The following KIAA1217 variants were observed in gnomAD, a reference collection of about 807,000 sequenced individuals.
The protein encoded by KIAA1217 is sickle tail protein homolog.
KIAA1217 carries 88 observed loss-of-function variants against 163.9 expected under a neutral mutation model. That is an observed-to-expected ratio of 0.54 (90% CI 0.45 to 0.64). The LOEUF is 0.64. Ranked by LOEUF, KIAA1217 falls within the 30% of genes least tolerant of loss-of-function variation. The probability of loss-of-function intolerance (pLI) is 0.00; values close to 1 mark genes in which losing one functional copy is unlikely to be tolerated. For missense variants in KIAA1217, 2,372 were observed against 2,475.0 expected, an observed-to-expected ratio of 0.96 and a Z score of 0.88; for synonymous variants, 903 against 923.1, an observed-to-expected ratio of 0.98 and a Z score of 0.39.
chr10:24,532,112 A>G, intron 15 of KIAA1217, 119 bp downstream of exon 15: 3 of 902,668 alleles, frequency 3.3e-6, no homozygotes, highest in Non-Finnish European at 4.5e-6. Flanking sequence ...TCGACCACAC[A>G]AGATCCCCAG....
intron 5 of KIAA1217, among the ~76,000 whole-genome samples, chr10:24,468,036 C>T (rs1032948150): frequency 5.9e-5 from 9 of 152,188 alleles, no homozygotes; most frequent in South Asian, 2.1e-4. Flanking sequence ...TAAGAATACC[C>T]GCAGCAAAGG....
upstream of KIAA1217, among the ~76,000 whole-genome samples, chr10:24,203,888 A>G (rs532254159): frequency 1.8e-3 from 267 of 152,380 alleles, no homozygotes; most frequent in Middle Eastern, 0.017. Context: ...TGCAGTGACC[A>G]GAGGGCAGAG....
intron 2 of KIAA1217, among the ~76,000 whole-genome samples, chr10:24,336,033 G>A (rs763429642): frequency 7.2e-5 from 11 of 152,352 alleles, no homozygotes; most frequent in Non-Finnish European, 1.6e-4. Context: ...CTGAGGTCAG[G>A]TGTTCGAGAC....
At chr10:24,321,791 G>C (rs916824848) in intron 2 of KIAA1217, among the ~76,000 whole-genome samples, 1 of 152,076 alleles carries the variant, frequency 6.6e-6, no homozygotes, top group East Asian at 1.9e-4. Flanking sequence ...ACTGTTCAAT[G>C]GGTGTGCAGT....
intron 1 of KIAA1217, among the ~76,000 whole-genome samples, chr10:23,904,449 A>G (rs1330743443): frequency 6.6e-6 from 1 of 152,194 alleles, no homozygotes; most frequent in Non-Finnish European, 1.5e-5. Context: ...AAAAAACTCC[A>G]AAATATTTTT....
chr10:24,544,054 C>CA lies in KIAA1217; in HGVS notation c.4785dup (p.Gly1596ArgfsTer11). ...CAAGCCATTCGCACCGGAACTAAAA[C>CA]AGGGAAGAAGACTTTGCAAGTGGTA... On this transcript the variant is annotated frameshift_variant, in exon 19 of 21. Coordinates refer to ENST00000376454, the MANE Select transcript of KIAA1217 (RefSeq NM_019590.5). LOFTEE classifies it high-confidence loss of function. 1 of 1,614,110 alleles carries CA rather than the reference C, an allele frequency of 6.2e-7. No homozygotes were observed. The highest frequency in any genetic ancestry group is 8.5e-7 in the Non-Finnish European group (1 of 1,180,030).
rs1190163303 is a variant in KIAA1217, at chr10:24,264,900, A to G, written c.354+44991A>G. 2.7e-5 allele frequency among the ~76,000 whole-genome samples: 4 copies of G among 150,894 alleles called. No individual in the cohort carries two copies. The South Asian group carries it at 6.3e-4, about 24-fold the overall frequency. ...CTTGTCTCATTCTGTTGCCCTGGCT[A>G]GAGTACAATGGCACAATCCTAGCTC... On this transcript the variant is annotated intron_variant, in intron 2 of 20. Coordinates refer to ENST00000376454, the MANE Select transcript of KIAA1217 (RefSeq NM_019590.5).
intron 1 of KIAA1217, among the ~76,000 whole-genome samples, chr10:23,714,812 A>T (rs1447872773): frequency 6.6e-6 from 1 of 152,068 alleles, no homozygotes. Flanking sequence ...TTATTGGGGA[A>T]CTCATGGGCA....
chr10:24,126,931 T>G (rs1227286970), intron 2 of KIAA1217, among the ~76,000 whole-genome samples: 1 of 152,098 alleles, frequency 6.6e-6, no homozygotes, highest in African/African-American at 2.4e-5. Context: ...TGCTCTTAGG[T>G]CTCTGTACCT....
chr10:24,542,389 T>C (rs1223425408), intron 17 of KIAA1217: 4 of 524,066 alleles, frequency 7.6e-6, no homozygotes, highest in Non-Finnish European at 8.9e-6. Context: ...AATCTGATGT[T>C]GAAAAGAGGA....
intron 5 of KIAA1217, among the ~76,000 whole-genome samples, chr10:24,459,472 G>A (rs2062139568): frequency 6.6e-6 from 1 of 152,150 alleles, no homozygotes; most frequent in South Asian, 2.1e-4. Flanking sequence ...TTCTTCAGAG[G>A]TAGAAATCAT....
At chr10:23,968,076 C>T (rs1021621304) in intron 1 of KIAA1217, among the ~76,000 whole-genome samples, 3 of 151,232 alleles carry the variant, frequency 2.0e-5, no homozygotes, top group African/African-American at 7.3e-5. Flanking sequence ...ATTAATTCTC[C>T]TGCAGATAAC....
At chr10:24,098,640 G>T (rs2062258477) in intron 2 of KIAA1217, among the ~76,000 whole-genome samples, 1 of 151,812 alleles carries the variant, frequency 6.6e-6, no homozygotes, top group African/African-American at 2.4e-5. Context: ...TGGATTTAAG[G>T]TAAATTTCAT....
intron 2 of KIAA1217, among the ~76,000 whole-genome samples, chr10:24,362,362 G>A (rs1358932114): frequency 2.0e-5 from 3 of 152,086 alleles, no homozygotes; most frequent in East Asian, 1.9e-4. Flanking sequence ...GAGCTAAATG[G>A]AAATTAATAC....
At chr10:23,780,908 T>G (rs1021866679) in intron 1 of KIAA1217, among the ~76,000 whole-genome samples, 8 of 152,162 alleles carry the variant, frequency 5.3e-5, no homozygotes, top group African/African-American at 1.9e-4. Flanking sequence ...CTCGAACTCC[T>G]GACCTCAGGT....
At chr10:24,368,761 C>G in intron 2 of KIAA1217, 1 of 725,958 alleles carries the variant, frequency 1.4e-6, no homozygotes, top group Non-Finnish European at 1.7e-6. Flanking sequence ...CACATAGGAT[C>G]CCAGAAGCTA....
chr10:23,904,076 C>T (rs904476289), intron 1 of KIAA1217, among the ~76,000 whole-genome samples: 5 of 152,134 alleles, frequency 3.3e-5, no homozygotes. Flanking sequence ...AGGAGTTCTA[C>T]AAACTGAATG....
intron 2 of KIAA1217, among the ~76,000 whole-genome samples, chr10:24,320,259 T>C (rs1262411822): frequency 6.6e-6 from 1 of 152,196 alleles, no homozygotes; most frequent in Non-Finnish European, 1.5e-5. Flanking sequence ...TGGAGATCTG[T>C]AGAGGAAAAA....
chr10:24,524,030 A>G (rs374403501), intron 12 of KIAA1217, among the ~76,000 whole-genome samples: 2 of 152,350 alleles, frequency 1.3e-5, no homozygotes, highest in African/African-American at 2.4e-5. Flanking sequence ...TTGGCTTAGA[A>G]CTAAGCATAT....
Sources: gnomAD v4.1 joint callset for allele counts (sites outside exome capture counted in the v4.1 genomes callset) on GRCh38, gnomAD v4.1.1 for gene constraint, MANE v1.5 for transcripts, NCBI Gene and HGNC (gene_info 2026-07-23, HGNC 2026-07-21) for gene names.